Variants in AACS observed in about 807,000 individuals in gnomAD.
AACS encodes the protein acetoacetate-CoA ligase.
In AACS, 69 loss-of-function variants were observed where a neutral mutation model predicts 83.1. The ratio of observed to expected loss-of-function variants is 0.83; its 90% CI spans 0.68 to 1.01. The LOEUF is 1.01. AACS is among the 50% of genes least tolerant of loss of function. The probability of loss-of-function intolerance (pLI) is 0.00; values close to 1 mark genes in which losing one functional copy is unlikely to be tolerated. For synonymous variants in AACS, 333 were observed against 343.4 expected (o/e 0.97, Z 0.33); for missense variants, 866 against 882.2 (o/e 0.98, Z 0.23).
At chr12:125,101,309 G>A (rs190471622) in intron 5 of AACS, 2 of 152,370 alleles carry the variant, frequency 1.3e-5, no homozygotes, top group Admixed American at 1.3e-4. Flanking sequence ...CTGCATGGAA[G>A]GAATCCCCTG....
chr12:125,098,750 C>G (rs951792124), intron 5 of AACS, among the ~76,000 whole-genome samples: 1 of 152,226 alleles, frequency 6.6e-6, no homozygotes, highest in Non-Finnish European at 1.5e-5. Context: ...CGCTCCTGGC[C>G]CTCATTACCT....
Position 125,140,531 on chromosome 12 carries a change from A to G in AACS, c.1882-1561A>G, listed in dbSNP as rs1336901152. 1 of 152,074 alleles carries G rather than the reference A, an allele frequency of 6.6e-6. No homozygotes were observed. The highest frequency in any genetic ancestry group is 1.5e-5 in the Non-Finnish European group (1 of 67,996). The allele number at this position is 152,074 out of a possible 1,614,324, so 9.4% of individuals were successfully genotyped here. On this transcript the variant is annotated intron_variant, in intron 17 of 17. Transcript: ENST00000316519. The surrounding 1 kb of genome is among the most constrained non-coding windows in gnomAD (Gnocchi z 5.1). ...CATGAAGTGACAGGCAGGCCCTTGG[A>G]AGCCGGTGCTTAGATCCTTAATTAG...
At position 125,129,521 on chromosome 12, in the gene AACS, C is replaced by CT; in HGVS notation, c.1549+62dup. On this transcript the variant is annotated intron_variant, in intron 14 of 17. Coordinates refer to ENST00000316519, the MANE Select transcript of AACS (RefSeq NM_023928.5). The surrounding 1 kb of genome is among the most constrained non-coding windows in gnomAD (Gnocchi z 4.3). ...TCTGCCTTGGCTGGGCCTTCTGTGTCTAATTCTGTACCATCGTGCCCCTCC... is the reference window on the plus strand; with the variant it reads ...TCTGCCTTGGCTGGGCCTTCTGTGTCTTAATTCTGTACCATCGTGCCCCTCC... 6 of 1,582,926 alleles carry CT rather than the reference C, an allele frequency of 3.8e-6. No individual in the cohort carries two copies. Among genetic ancestry groups the CT allele is most frequent in the Non-Finnish European group, 5.2e-6 (6 of 1,164,578 alleles).
chr12:125,111,645 A>C (rs1956954894), intron 8 of AACS, among the ~76,000 whole-genome samples: 1 of 152,146 alleles, frequency 6.6e-6, no homozygotes, highest in Admixed American at 6.5e-5. Context: ...GGCTGCTCGT[A>C]ATCTTCCCAA....
At chr12:125,074,160 T>C (rs996922700) in intron 2 of AACS, among the ~76,000 whole-genome samples, 181 bp downstream of exon 2, 1 of 152,196 alleles carries the variant, frequency 6.6e-6, no homozygotes, top group Non-Finnish European at 1.5e-5. Context: ...CTTTGCAGCC[T>C]GTTAATCCTC....
chr12:125,132,023 G>A (rs895593351), intron 14 of AACS, among the ~76,000 whole-genome samples: 1 of 152,228 alleles, frequency 6.6e-6, no homozygotes, highest in Non-Finnish European at 1.5e-5. Flanking sequence ...TGTTCCCACT[G>A]TATTTCCACT....
rs936968711 is a variant in AACS at position 125,065,658 on chromosome 12, A to T, written c.74A>T (p.Lys25Met). Reference sequence around the variant, plus strand: ...GTGATGTGGGAGCCTGACAGTAAGAAGAACACGCAGATGGACCGCTTCCGG... The same window carrying T: ...GTGATGTGGGAGCCTGACAGTAAGATGAACACGCAGATGGACCGCTTCCGG... ...CQVMWEPDSKKNTQMDRFRAA... is the reference protein window; with the variant it reads ...CQVMWEPDSKMNTQMDRFRAA... Residue 25 changes from lysine (K) to methionine (M), a missense_variant, in exon 1 of 18, where the codon AAG (lysine) becomes ATG (methionine). By Grantham distance (95) the Lys-to-Met change is moderately conservative. Coordinates refer to ENST00000316519, the MANE Select transcript of AACS (RefSeq NM_023928.5). The T allele has an allele frequency of 6.5e-7, 1 of 1,547,160 alleles. No individual in the cohort carries two copies. The highest frequency in any genetic ancestry group is 1.2e-5 in the South Asian group (1 of 83,604).
intron 3 of AACS, among the ~76,000 whole-genome samples, chr12:125,084,268 A>G (rs1031305321): frequency 2.0e-5 from 3 of 151,736 alleles, no homozygotes; most frequent in Non-Finnish European, 4.4e-5. Flanking sequence ...CAGTGAGCTG[A>G]GATCGCACCA....
At chr12:125,072,350 G>A (rs1280978991) in intron 1 of AACS, among the ~76,000 whole-genome samples, 1 of 152,140 alleles carries the variant, frequency 6.6e-6, no homozygotes, top group African/African-American at 2.4e-5. Flanking sequence ...AGTCAGAGGG[G>A]ACACTGCTGA....
At chr12:125,122,785 T>C (rs1235745400) in intron 10 of AACS, 1 of 152,146 alleles carries the variant, frequency 6.6e-6, no homozygotes, top group African/African-American at 2.4e-5. Context: ...TGTGGGCTGA[T>C]CCACACTTCC....
At chr12:125,123,592 A>G (rs1224505541) in intron 10 of AACS, 1 of 152,270 alleles carries the variant, frequency 6.6e-6, no homozygotes, top group African/African-American at 2.4e-5. Context: ...CGCCCAGCCC[A>G]GCCAGCCCTG....
Position 125,113,190 on chromosome 12 carries a change from T to C in AACS, c.916-1287T>C, listed in dbSNP as rs1458773729. On this transcript the variant is annotated intron_variant, in intron 8 of 17. Transcript: ENST00000316519. This position sits in a 1 kb window ranked among gnomAD's most constrained non-coding sequence, Gnocchi z 4.8. ...TTGGATAGGATTGTTCCTGGTGAGC[T>C]CTTAAAGGGATCATCTCCTGCAACT... Among the ~76,000 whole-genome samples the C allele has an allele frequency of 6.6e-6, 1 of 152,168 alleles. No individual in the cohort carries two copies. The highest frequency in any genetic ancestry group is 1.9e-4 in the East Asian group (1 of 5,200).
intron 1 of AACS, among the ~76,000 whole-genome samples, chr12:125,066,787 C>T (rs1955712668): frequency 6.6e-6 from 1 of 152,032 alleles, no homozygotes; most frequent in Non-Finnish European, 1.5e-5. Context: ...CCCTCCTCAC[C>T]CCCTCCGCTG....
intron 3 of AACS, among the ~76,000 whole-genome samples, chr12:125,081,080 C>T (rs1195318608): frequency 1.3e-5 from 2 of 152,152 alleles, no homozygotes; most frequent in African/African-American, 2.4e-5. Context: ...GCAATCTCCA[C>T]CTCCCCAGTT....
At chr12:125,090,492 C>T (rs1565932275) in intron 4 of AACS, among the ~76,000 whole-genome samples, 1 of 152,194 alleles carries the variant, frequency 6.6e-6, no homozygotes, top group Non-Finnish European at 1.5e-5. Flanking sequence ...TCTCTACCTA[C>T]CCATTCACCC....
At chr12:125,103,154 A>T (rs1956754201) in intron 7 of AACS, 73 bp downstream of exon 7, 11 of 1,328,486 alleles carry the variant, frequency 8.3e-6, no homozygotes, top group Non-Finnish European at 2.1e-6. Context: ...AGGCCTCTGG[A>T]TCTTCTACTT....
chr12:125,091,127 T>G (rs1956475332), intron 4 of AACS: 1 of 424,276 alleles, frequency 2.4e-6, no homozygotes, highest in Non-Finnish European at 4.4e-6. Flanking sequence ...TTAGGACAAC[T>G]GAGGAGTCGG....
Position 125,103,081 on chromosome 12 carries a change from G to A in AACS, c.767G>A (p.Ser256Asn), listed in dbSNP as rs753641338. The change falls in exon 7 of 18, where the codon AGT becomes AAT. Residue 256 changes from serine to asparagine, a missense_variant and splice_region_variant. By Grantham distance (46) the Ser-to-Asn change is conservative. Transcript: ENST00000316519. The part of the protein sequence containing the change: ...ENIDLSKIPN[S>N]VFLDDFLATG... ...ATAGACCTTTCAAAGATTCCAAACA[G>A]GTAATGTACCGCATTCTGACCCACA... 1 of 1,613,498 alleles carries A rather than the reference G, an allele frequency of 6.2e-7. No homozygotes were observed. The highest frequency in any genetic ancestry group is 1.7e-5 in the Admixed American group (1 of 59,892).
intron 6 of AACS, 69 bp downstream of exon 6, chr12:125,102,862 G>C: frequency 6.7e-7 from 1 of 1,499,744 alleles, no homozygotes. Flanking sequence ...AGTCTGCCAG[G>C]AGTCAATCTG....
Sources: gnomAD v4.1 joint callset for allele counts (sites outside exome capture counted in the v4.1 genomes callset) on GRCh38, gnomAD v4.1.1 for gene constraint, Gnocchi (gnomAD v3.1) non-coding constraint, MANE v1.5 for transcripts, NCBI Gene and HGNC (gene_info 2026-07-23, HGNC 2026-07-21) for gene names.